Variants in ANXA8 observed in about 807,000 individuals in gnomAD.
ANXA8 encodes the protein annexin A8.
In ANXA8, 9 loss-of-function variants were observed where a neutral mutation model predicts 26.8. That is an observed-to-expected ratio of 0.34 (90% CI 0.20 to 0.59). The LOEUF is 0.59. Ranked by LOEUF, ANXA8 falls within the 20% of genes least tolerant of loss-of-function variation. The pLI is 0.84. For synonymous variants in ANXA8, 39 were observed against 94.8 expected (o/e 0.41, Z 3.42); for missense variants, 83 against 238.5 (o/e 0.35, Z 4.29).
the ANXA8 span, among the ~76,000 whole-genome samples, chr10:47,779,368 G>C: frequency 6.0e-5 from 3 of 49,972 alleles, no homozygotes; most frequent in Non-Finnish European, 1.1e-4. Flanking sequence ...GCATAAACAG[G>C]GTTTCCAGAT....
chr10:47,767,624 T>G, the ANXA8 span, among the ~76,000 whole-genome samples: 2 of 150,180 alleles, frequency 1.3e-5, no homozygotes, highest in South Asian at 2.1e-4. Context: ...TTCTAGCGCT[T>G]TGTCCATGAC....
At chr10:47,936,745 A>G in the ANXA8 span, among the ~76,000 whole-genome samples, 1 of 150,032 alleles carries the variant, frequency 6.7e-6, no homozygotes, top group Non-Finnish European at 1.5e-5. Flanking sequence ...TTCCTTGATC[A>G]TATAAGCCCA....
chr10:47,657,423 T>A, the ANXA8 span, among the ~76,000 whole-genome samples: 1 of 151,850 alleles, frequency 6.6e-6, no homozygotes, highest in Non-Finnish European at 1.5e-5. Context: ...AAATGACAGC[T>A]GTGTAGTGCT....
At chr10:47,733,165 CT>C in the ANXA8 span, among the ~76,000 whole-genome samples, 1 of 99,644 alleles carries the variant, frequency 1.0e-5, no homozygotes, top group African/African-American at 3.2e-5. Flanking sequence ...TTCTTTCTTT[CT>C]TTCTTTCTTT....
chr10:47,694,711 G>T, the ANXA8 span, among the ~76,000 whole-genome samples: 33 of 151,990 alleles, frequency 2.2e-4, no homozygotes, highest in Non-Finnish European at 3.7e-4. Flanking sequence ...GAGCCACCGC[G>T]CCCGGCCCAT....
chr10:47,958,924 G>A, the ANXA8 span, among the ~76,000 whole-genome samples: 5 of 150,264 alleles, frequency 3.3e-5, no homozygotes, highest in African/African-American at 1.2e-4. Context: ...ACTTTAACAC[G>A]TAGGGATTAT....
chr10:47,727,174 C>T, the ANXA8 span, among the ~76,000 whole-genome samples: 1 of 152,424 alleles, frequency 6.6e-6, no homozygotes, highest in South Asian at 2.1e-4. Context: ...CTAATTTCTT[C>T]TTAACCTACA....
chr10:47,958,825 T>C, the ANXA8 span, among the ~76,000 whole-genome samples: 3 of 149,392 alleles, frequency 2.0e-5, no homozygotes, highest in Non-Finnish European at 4.4e-5. Flanking sequence ...TATAAAGCCA[T>C]CAGATCTCAC....
the ANXA8 span, among the ~76,000 whole-genome samples, chr10:47,513,286 G>T: frequency 2.1e-5 from 3 of 142,966 alleles, no homozygotes; most frequent in Admixed American, 7.1e-5. Context: ...GTCCGCCTCA[G>T]CCTCCCAAAG....
chr10:47,530,371 T>C, the ANXA8 span, among the ~76,000 whole-genome samples: 2 of 148,694 alleles, frequency 1.3e-5, no homozygotes, highest in Non-Finnish European at 3.0e-5. Flanking sequence ...TACAGTCCAT[T>C]AATCCCCTCA....
At chr10:47,519,262 G>A in the ANXA8 span, among the ~76,000 whole-genome samples, 26 of 126,220 alleles carry the variant, frequency 2.1e-4, 2 homozygotes, top group Non-Finnish European at 3.6e-4. Context: ...GAGGTCAGGA[G>A]TTTCAGACCA....
At chr10:47,485,889 A>T (rs1381239464), upstream of ANXA8, among the ~76,000 whole-genome samples, 3 of 151,854 alleles carry the variant, frequency 2.0e-5, no homozygotes, top group Admixed American at 6.6e-5. Flanking sequence ...CAGGTGGATC[A>T]TGAGGTCAGG....
At chr10:47,942,737 G>A in the ANXA8 span, among the ~76,000 whole-genome samples, 1 of 143,000 alleles carries the variant, frequency 7.0e-6, no homozygotes, top group South Asian at 2.2e-4. Context: ...TATCTCCAGG[G>A]CAACATAAAG....
chr10:47,644,350 G>T, the ANXA8 span, among the ~76,000 whole-genome samples: 1 of 151,178 alleles, frequency 6.6e-6, no homozygotes, highest in African/African-American at 2.5e-5. Context: ...ACTGTAAAGG[G>T]AAAGAGGCTA....
the ANXA8 span, among the ~76,000 whole-genome samples, chr10:47,896,904 T>TTTTTTTTATTTA: frequency 5.5e-5 from 8 of 146,030 alleles, no homozygotes; most frequent in African/African-American, 2.0e-4. Flanking sequence ...AATGAAGAGA[T>TTTTTTTTATTTA]TTTATTTATT....
the ANXA8 span, among the ~76,000 whole-genome samples, chr10:47,754,964 T>TTTTC: frequency 2.8e-3 from 4 of 1,450 alleles, no homozygotes; most frequent in Admixed American, 0.013. Flanking sequence ...TTTTCTTTTC[T>TTTTC]TTTTTTTTTT....
the ANXA8 span, among the ~76,000 whole-genome samples, chr10:47,525,574 A>G: frequency 1.5e-5 from 2 of 136,596 alleles, no homozygotes; most frequent in South Asian, 4.7e-4. Flanking sequence ...TTGGGTGGGG[A>G]CATGGCAAAA....
chr10:47,705,930 C>CG, the ANXA8 span, among the ~76,000 whole-genome samples: 3 of 149,684 alleles, frequency 2.0e-5, no homozygotes, highest in African/African-American at 7.4e-5. Context: ...CCGCGTATTT[C>CG]GGGGGGCGGA....
chr10:47,660,050 C>T, the ANXA8 span, among the ~76,000 whole-genome samples: 3 of 147,228 alleles, frequency 2.0e-5, no homozygotes, highest in East Asian at 3.9e-4. Context: ...CCACCAAGCC[C>T]GGCCTGAATC....
Sources: allele counts gnomAD v4.1 joint callset (sites outside exome capture counted in the v4.1 genomes callset), GRCh38; gene constraint gnomAD v4.1.1; transcripts MANE v1.5; gene names NCBI Gene and HGNC (gene_info 2026-07-23, HGNC 2026-07-21).